FBXL17: variants seen among roughly 807,000 people sequenced by gnomAD.
FBXL17 encodes the protein F-box/LRR-repeat protein 17.
FBXL17 carries 22 observed loss-of-function variants against 66.2 expected under a neutral mutation model. That is an observed-to-expected ratio of 0.33 (90% CI 0.24 to 0.47). The LOEUF (loss-of-function observed/expected upper bound fraction) is 0.47. FBXL17 is among the 20% of genes least tolerant of loss of function. The pLI is 1.00. For missense variants in FBXL17, 878 were observed against 948.2 expected (o/e 0.93, Z 0.97); for synonymous variants, 474 against 400.5 (o/e 1.18, Z -2.19).
chr5:108,044,498 AGTTGGCC>A (rs1747174264), intron 6 of FBXL17, among the ~76,000 whole-genome samples: 1 of 152,306 alleles, frequency 6.6e-6, no homozygotes, highest in East Asian at 1.9e-4. Context: ...AATAAATTCC[AGTTGGCC>A]ATAGTGCATG....
intron 7 of FBXL17, among the ~76,000 whole-genome samples, chr5:107,992,953 T>A (rs1403571449): frequency 1.3e-5 from 2 of 152,076 alleles, no homozygotes; most frequent in African/African-American, 4.8e-5. Flanking sequence ...TGGAGTGCAG[T>A]GGCGCGATCT....
intron 4 of FBXL17, among the ~76,000 whole-genome samples, chr5:108,313,372 G>A (rs1291716037): frequency 1.3e-5 from 2 of 152,070 alleles, no homozygotes; most frequent in Non-Finnish European, 1.5e-5. Flanking sequence ...AGCCCAAGCT[G>A]TCTTCAAAAA....
intron 7 of FBXL17, among the ~76,000 whole-genome samples, chr5:107,919,728 C>G (rs1300816383): frequency 1.3e-5 from 2 of 152,152 alleles, no homozygotes; most frequent in Non-Finnish European, 2.9e-5. Flanking sequence ...ACAGAGTCCT[C>G]TTCTCAATGA....
At chr5:108,060,724 C>T (rs115917784) in intron 6 of FBXL17, among the ~76,000 whole-genome samples, 3,184 of 152,192 alleles carry the variant, frequency 0.021, 43 homozygotes, top group Middle Eastern at 0.068. Flanking sequence ...TCCATCCCCC[C>T]CTCCCACACA....
At chr5:108,302,151 A>G (rs1333456537) in intron 4 of FBXL17, 2 of 262,084 alleles carry the variant, frequency 7.6e-6, no homozygotes, top group African/African-American at 4.6e-5. Context: ...CAATGCAACT[A>G]AATTGATATA....
chr5:108,059,854 G>A (rs566346681), intron 6 of FBXL17, among the ~76,000 whole-genome samples: 1 of 152,016 alleles, frequency 6.6e-6, no homozygotes, highest in South Asian at 2.1e-4. Flanking sequence ...TAACTTGGGG[G>A]AAAAATTAAG....
intron 7 of FBXL17, among the ~76,000 whole-genome samples, chr5:108,007,063 C>T (rs1753955010): frequency 6.6e-6 from 1 of 152,118 alleles, no homozygotes; most frequent in Admixed American, 6.5e-5. Flanking sequence ...CTTTTTGCCT[C>T]AGTATGGTTA....
chr5:108,011,389 C>T (rs55680113), intron 7 of FBXL17, among the ~76,000 whole-genome samples: 25,175 of 151,988 alleles, frequency 0.17, 2,668 homozygotes, highest in Middle Eastern at 0.23. Flanking sequence ...CATTGTATCT[C>T]GGAAAATAAG....
chr5:108,372,734 T>C (rs1477756717), intron 1 of FBXL17, among the ~76,000 whole-genome samples: 3 of 152,200 alleles, frequency 2.0e-5, no homozygotes, highest in Admixed American at 1.3e-4. Context: ...CTGAGGAAGT[T>C]TGTCACTGGT....
At chr5:108,236,211 T>TA (rs886829572) in intron 4 of FBXL17, among the ~76,000 whole-genome samples, 6 of 142,686 alleles carry the variant, frequency 4.2e-5, no homozygotes, top group South Asian at 2.3e-4. Context: ...CCCTGTCTCT[T>TA]AAAAAAAACA....
chr5:108,360,639 G>A (rs762467688), intron 3 of FBXL17, among the ~76,000 whole-genome samples: 15 of 151,892 alleles, frequency 9.9e-5, no homozygotes, highest in African/African-American at 1.7e-4. Flanking sequence ...ACCAAATTTC[G>A]GAAGTTTGGG....
At chr5:107,953,458 T>C (rs954094764) in intron 7 of FBXL17, among the ~76,000 whole-genome samples, 1 of 149,464 alleles carries the variant, frequency 6.7e-6, no homozygotes, top group Non-Finnish European at 1.5e-5. Context: ...CTTGACTAAA[T>C]TTACCCATCT....
chr5:107,979,692 G>C (rs763166526), intron 7 of FBXL17, among the ~76,000 whole-genome samples: 1 of 152,132 alleles, frequency 6.6e-6, no homozygotes, highest in Non-Finnish European at 1.5e-5. Flanking sequence ...TTGATTATTG[G>C]TAAGGACCAT....
At chr5:108,271,304 G>A (rs1757257804) in intron 4 of FBXL17, among the ~76,000 whole-genome samples, 1 of 152,050 alleles carries the variant, frequency 6.6e-6, no homozygotes, top group African/African-American at 2.4e-5. Flanking sequence ...ATTTATGTGT[G>A]GCAGCTTCTT....
chr5:108,346,404 A>G (rs1747283722), intron 4 of FBXL17, among the ~76,000 whole-genome samples: 1 of 152,128 alleles, frequency 6.6e-6, no homozygotes, highest in Non-Finnish European at 1.5e-5. Context: ...AAAATACTAG[A>G]AAAAAACTAA....
chr5:107,929,931 G>A (rs1202770413), intron 7 of FBXL17, among the ~76,000 whole-genome samples: 2 of 152,132 alleles, frequency 1.3e-5, no homozygotes, highest in African/African-American at 4.8e-5. Flanking sequence ...TTGTGAAAAT[G>A]ATGCTCCTAG....
intron 7 of FBXL17, among the ~76,000 whole-genome samples, chr5:108,009,274 T>TAGATAGATAG (rs1754072358): frequency 2.2e-5 from 1 of 45,824 alleles, no homozygotes; most frequent in Non-Finnish European, 3.5e-5. Context: ...TATATATATA[T>TAGATAGATAG]ATATATATAT....
chr5:107,913,974 T>A (rs1750041025), intron 7 of FBXL17, among the ~76,000 whole-genome samples: 1 of 67,524 alleles, frequency 1.5e-5, no homozygotes, highest in Non-Finnish European at 4.2e-5. Flanking sequence ...ATTTTATGAG[T>A]TTTTTTTTTT....
At chr5:108,261,262 A>G (rs1174841318) in intron 4 of FBXL17, among the ~76,000 whole-genome samples, 1 of 152,050 alleles carries the variant, frequency 6.6e-6, no homozygotes, top group East Asian at 1.9e-4. Context: ...AAATGGTGAG[A>G]AGAGGGAGGT....
Sources: gnomAD v4.1 joint callset for allele counts (sites outside exome capture counted in the v4.1 genomes callset) on GRCh38, gnomAD v4.1.1 for gene constraint, MANE v1.5 for transcripts, NCBI Gene and HGNC (gene_info 2026-07-23, HGNC 2026-07-21) for gene names.